The following DCC variants were observed in gnomAD, a reference collection of about 807,000 sequenced individuals.
DCC encodes netrin receptor DCC.
Under a neutral mutation model 172.5 loss-of-function variants are expected in DCC, and 58 were observed. The ratio of observed to expected loss-of-function variants is 0.34; its 90% CI spans 0.27 to 0.42. DCC has a LOEUF of 0.42. Ranked by LOEUF, DCC falls within the 10% of genes least tolerant of loss-of-function variation. DCC has a pLI of 1.00. For missense variants in DCC, 1,740 were observed against 1,791.0 expected, an observed-to-expected ratio of 0.97 and a Z score of 0.51; for synonymous variants, 709 against 644.5, an observed-to-expected ratio of 1.10 and a Z score of -1.52.
chr18:52,578,706 A>G (rs560255767), intron 1 of DCC, among the ~76,000 whole-genome samples: 9 of 152,336 alleles, frequency 5.9e-5, no homozygotes, highest in South Asian at 2.1e-4. Context: ...AGTGTATTCC[A>G]AAACAAAATT....
At chr18:52,355,443 C>A (rs977573501) in intron 1 of DCC, among the ~76,000 whole-genome samples, 2 of 152,114 alleles carry the variant, frequency 1.3e-5, no homozygotes, top group Admixed American at 6.5e-5. Context: ...GCTGTGTGAC[C>A]CTCACTATGA....
At chr18:53,420,615 G>A (rs1035627001) in intron 21 of DCC, among the ~76,000 whole-genome samples, 12 of 152,116 alleles carry the variant, frequency 7.9e-5, no homozygotes, top group East Asian at 1.9e-4. Flanking sequence ...GTGTCTTCCC[G>A]TGGTGGAGAG....
chr18:52,883,313 TTTTTA>T (rs1157551877), intron 2 of DCC, among the ~76,000 whole-genome samples: 5 of 141,846 alleles, frequency 3.5e-5, no homozygotes, highest in African/African-American at 7.7e-5. Context: ...TTCTGTTTTA[TTTTTA>T]TTTTATTTTT....
chr18:52,549,345 A>C (rs1221798322), intron 1 of DCC, among the ~76,000 whole-genome samples: 1 of 152,042 alleles, frequency 6.6e-6, no homozygotes, highest in Non-Finnish European at 1.5e-5. Flanking sequence ...CCCCTCTTCT[A>C]ACCAGCTCCT....
At chr18:52,626,749 G>A (rs941376098) in intron 1 of DCC, among the ~76,000 whole-genome samples, 10 of 152,094 alleles carry the variant, frequency 6.6e-5, no homozygotes, top group African/African-American at 1.4e-4. Context: ...CACATGCTGC[G>A]TACTATGTTG....
At chr18:52,794,403 G>T (rs78626264) in intron 2 of DCC, among the ~76,000 whole-genome samples, 6,548 of 151,868 alleles carry the variant, frequency 0.043, 220 homozygotes, top group South Asian at 0.16. Flanking sequence ...GTGGTGTTTT[G>T]GTAGCTATTA....
At chr18:52,345,859 C>G (rs748266432) in intron 1 of DCC, among the ~76,000 whole-genome samples, 1 of 152,202 alleles carries the variant, frequency 6.6e-6, no homozygotes, top group Non-Finnish European at 1.5e-5. Context: ...CTTGTGGCCT[C>G]TCAGCCAATA....
At chr18:52,763,072 A>G (rs1385613095) in intron 2 of DCC, among the ~76,000 whole-genome samples, 1 of 152,142 alleles carries the variant, frequency 6.6e-6, no homozygotes, top group African/African-American at 2.4e-5. Flanking sequence ...ATGGTCATAA[A>G]ATCTGCTTGT....
chr18:52,694,527 G>A (rs950665566), intron 1 of DCC, among the ~76,000 whole-genome samples: 6 of 152,024 alleles, frequency 3.9e-5, no homozygotes, highest in Admixed American at 2.0e-4. Flanking sequence ...AGTGTTGTAC[G>A]CAAGGACCCA....
At chr18:52,698,366 C>T (rs1440270097) in intron 1 of DCC, among the ~76,000 whole-genome samples, 1 of 152,134 alleles carries the variant, frequency 6.6e-6, no homozygotes, top group Non-Finnish European at 1.5e-5. Flanking sequence ...TTTATTTCTG[C>T]CTTGTTGAAG....
Position 53,000,582 on chromosome 18 carries a change from A to G in DCC, c.986-62723A>G, listed in dbSNP as rs1038618789. On this transcript the variant is annotated intron_variant, in intron 5 of 28. Transcript: ENST00000442544. The stretch of plus-strand genomic sequence containing the variant: ...CACCATGTTTAGGATATCAGCTTAC[A>G]TTCTTTTTTTTTTTTTTTTTTTTTT... Among the ~76,000 whole-genome samples the G allele has an allele frequency of 5.0e-5, 6 of 119,276 alleles. No homozygotes were observed. In the South Asian group the frequency reaches 1.6e-3, roughly 32 times the overall value. The allele number at this position is 119,276 out of a possible 152,430, so 78.2% of individuals were successfully genotyped here.
intron 9 of DCC, among the ~76,000 whole-genome samples, chr18:53,183,342 C>T (rs907627079): frequency 9.9e-5 from 15 of 152,104 alleles, no homozygotes; most frequent in Non-Finnish European, 1.6e-4. Context: ...ATGGTATCTT[C>T]CTTTGCTAAA....
At chr18:53,327,063 C>T (rs984953570) in intron 14 of DCC, among the ~76,000 whole-genome samples, 2 of 152,100 alleles carry the variant, frequency 1.3e-5, no homozygotes, top group African/African-American at 4.8e-5. Context: ...TAAAGGAAAC[C>T]CCTGCCTCCT....
intron 1 of DCC, among the ~76,000 whole-genome samples, chr18:52,366,577 C>T (rs1984867196): frequency 6.6e-6 from 1 of 151,752 alleles, no homozygotes; most frequent in South Asian, 2.1e-4. Context: ...AGGGCACCAC[C>T]AGAGCAGCTA....
intron 2 of DCC, among the ~76,000 whole-genome samples, chr18:52,864,077 TACAG>T (rs1370279948): frequency 6.6e-6 from 1 of 152,156 alleles, no homozygotes. Flanking sequence ...TATACAAAAA[TACAG>T]ACATAAAGAT....
intron 12 of DCC, among the ~76,000 whole-genome samples, chr18:53,276,163 C>T (rs56206740): frequency 0.091 from 13,912 of 152,068 alleles, 2,076 homozygotes; most frequent in African/African-American, 0.31. Context: ...GACATCTTCT[C>T]AGCTGGACAG....
intron 1 of DCC, among the ~76,000 whole-genome samples, chr18:52,560,113 G>A (rs2033002927): frequency 6.6e-6 from 1 of 152,136 alleles, no homozygotes; most frequent in Admixed American, 6.6e-5. Context: ...TTAAGCCAAG[G>A]ATCAGCAAAC....
At chr18:53,063,535 G>GAAAA in intron 6 of DCC, 76 bp downstream of exon 6, 2 of 967,118 alleles carry the variant, frequency 2.1e-6, no homozygotes, top group Non-Finnish European at 3.0e-6. Context: ...TTTATTTCTT[G>GAAAA]AAAAAAAAAA....
chr18:53,357,186 A>G (rs1599060416), intron 15 of DCC, among the ~76,000 whole-genome samples: 1 of 152,284 alleles, frequency 6.6e-6, no homozygotes, highest in East Asian at 1.9e-4. Flanking sequence ...AAAAATGCCA[A>G]ACTGCATTAT....
Sources: gnomAD v4.1 joint callset for allele counts (sites outside exome capture counted in the v4.1 genomes callset) on GRCh38, gnomAD v4.1.1 for gene constraint, MANE v1.5 for transcripts, NCBI Gene and HGNC (gene_info 2026-07-23, HGNC 2026-07-21) for gene names.